The following TMEM87B variants were observed in gnomAD, a reference collection of about 807,000 sequenced individuals.
TMEM87B encodes transmembrane protein 87B.
A neutral mutation model predicts 80.3 loss-of-function variants in TMEM87B; 83 were observed. The observed-to-expected ratio is 1.03, with a 90% confidence interval of 0.87 to 1.24. TMEM87B has a LOEUF of 1.24. Among genes scored for constraint, TMEM87B ranks in the 50% most tolerant of loss-of-function variants. The pLI, the probability that TMEM87B is intolerant of heterozygous loss-of-function variation, is 0.00. For synonymous variants in TMEM87B, 219 were observed against 230.5 expected (o/e 0.95, Z 0.45); for missense variants, 625 against 674.4 (o/e 0.93, Z 0.81).
chr2:112,111,643 A>C (rs1679920104), intron 17 of TMEM87B, among the ~76,000 whole-genome samples: 1 of 152,216 alleles, frequency 6.6e-6, no homozygotes, highest in South Asian at 2.1e-4. Flanking sequence ...TTACATAGCA[A>C]GTTTAGTATT....
At chr2:112,099,345 A>G (rs924714860) in intron 14 of TMEM87B, among the ~76,000 whole-genome samples, 1 of 152,050 alleles carries the variant, frequency 6.6e-6, no homozygotes, top group Non-Finnish European at 1.5e-5. Flanking sequence ...TGCTCATTGG[A>G]ACATTTTGAA....
Position 112,109,333 on chromosome 2 carries a change from C to T in TMEM87B, c.1577+1493C>T, listed in dbSNP as rs762312061. On this transcript the variant is annotated intron_variant, in intron 17 of 18. Transcript: ENST00000283206. ...CTTTCCTCTATATATGAGCTAAGACCTTCCTCCTATAGGTCTTTCTTTAAT... is the reference window on the plus strand; with the variant it reads ...CTTTCCTCTATATATGAGCTAAGACTTTCCTCCTATAGGTCTTTCTTTAAT... 9.9e-5 allele frequency among the ~76,000 whole-genome samples: 15 copies of T among 152,076 alleles called. 1 individual carries two copies. The highest frequency in any genetic ancestry group is 4.1e-4 in the South Asian group (2 of 4,824).
chr2:112,095,136 C>A, intron 11 of TMEM87B: 1 of 874,148 alleles, frequency 1.1e-6, no homozygotes, highest in East Asian at 1.3e-4. Context: ...TCTTGTTTCT[C>A]TTTCGTTTCT....
At chr2:112,105,268 CTTATG>C (rs1463961360) in intron 15 of TMEM87B, among the ~76,000 whole-genome samples, 1 of 152,096 alleles carries the variant, frequency 6.6e-6, no homozygotes, top group African/African-American at 2.4e-5. Flanking sequence ...ATTACATCAG[CTTATG>C]TTATAATTGT....
At chr2:112,066,806 A>T in intron 3 of TMEM87B, 130 bp from the exon 4 acceptor site, 1 of 803,450 alleles carries the variant, frequency 1.2e-6, no homozygotes, top group Non-Finnish European at 1.9e-6. Context: ...TTGGTATTTT[A>T]TTCTATTGCG....
chr2:112,082,699 T>C (rs1357379141), intron 8 of TMEM87B, among the ~76,000 whole-genome samples: 1 of 152,164 alleles, frequency 6.6e-6, no homozygotes, highest in Non-Finnish European at 1.5e-5. Flanking sequence ...CGTGCATGTG[T>C]GCTCTAAACC....
At chr2:112,068,215 AAAAAAC>A (rs910565364) in intron 4 of TMEM87B, among the ~76,000 whole-genome samples, 10 of 152,226 alleles carry the variant, frequency 6.6e-5, no homozygotes, top group South Asian at 2.1e-4. Flanking sequence ...ACTCCGTCTC[AAAAAAC>A]AAAAACAAAA....
chr2:112,084,883 C>T (rs908692391), intron 8 of TMEM87B, among the ~76,000 whole-genome samples: 1 of 152,154 alleles, frequency 6.6e-6, no homozygotes, highest in Non-Finnish European at 1.5e-5. Context: ...CATTTTATTC[C>T]AGCAGTCAGC....
chr2:112,073,520 A>G (rs1156578147), intron 4 of TMEM87B, among the ~76,000 whole-genome samples: 1 of 152,088 alleles, frequency 6.6e-6, no homozygotes, highest in African/African-American at 2.4e-5. Flanking sequence ...TTTATTTCTC[A>G]TTGGCTGATT....
intron 2 of TMEM87B, among the ~76,000 whole-genome samples, chr2:112,060,681 C>T (rs985781977): frequency 1.3e-5 from 2 of 151,774 alleles, no homozygotes; most frequent in Non-Finnish European, 2.9e-5. Context: ...AGATTACAGG[C>T]GAACGCCACC....
chr2:112,071,284 G>C (rs1317007250), intron 4 of TMEM87B, among the ~76,000 whole-genome samples: 1 of 151,124 alleles, frequency 6.6e-6, no homozygotes, highest in Non-Finnish European at 1.5e-5. Context: ...TGGTGTACAG[G>C]TATGCTAGTG....
At chr2:112,075,073 A>T in intron 5 of TMEM87B, 111 bp downstream of exon 5, 1 of 1,414,902 alleles carries the variant, frequency 7.1e-7, no homozygotes, top group South Asian at 1.4e-5. Flanking sequence ...GGTTATTAGA[A>T]CTGTGGAAGG....
intron 11 of TMEM87B, among the ~76,000 whole-genome samples, chr2:112,092,300 G>A (rs1679327159): frequency 6.6e-6 from 1 of 152,186 alleles, no homozygotes; most frequent in Admixed American, 6.5e-5. Context: ...AATGGTTGAA[G>A]CAGGAAAACA....
At chr2:112,073,896 C>T (rs1309876366) in intron 4 of TMEM87B, among the ~76,000 whole-genome samples, 1 of 152,108 alleles carries the variant, frequency 6.6e-6, no homozygotes, top group East Asian at 1.9e-4. Context: ...TCAGTTTTGT[C>T]TGAAATTAGG....
chr2:112,108,252 C>T (rs1483468161), intron 17 of TMEM87B, among the ~76,000 whole-genome samples: 3 of 152,110 alleles, frequency 2.0e-5, no homozygotes, highest in Admixed American at 6.6e-5. Context: ...ATTCAGGATC[C>T]TCTTTATCTA....
intron 4 of TMEM87B, among the ~76,000 whole-genome samples, chr2:112,072,895 CTTTTT>C (rs71226782): frequency 1.7e-4 from 14 of 83,012 alleles, no homozygotes; most frequent in African/African-American, 7.1e-4. Flanking sequence ...AACTCTTCTT[CTTTTT>C]TTTTTTTTTT....
Position 112,117,792 on chromosome 2 carries a change from A to G in TMEM87B, c.*1649A>G, listed in dbSNP as rs1680064649. On this transcript the variant is annotated 3_prime_UTR_variant, in exon 19 of 19. Transcript: ENST00000283206. ...TGTATTCTCCCCTTAGCCCAGTAAC[A>G]TTTTTATCTAATACCCCATTCCCCA... is the stretch of plus-strand genomic sequence containing the variant. The G allele has an allele frequency of 6.6e-6, 1 of 152,122 alleles. No homozygotes were observed. The highest frequency in any genetic ancestry group is 2.4e-5 in the African/African-American group (1 of 41,410). The allele number at this position is 152,122 out of a possible 1,614,324, so 9.4% of individuals were successfully genotyped here. A position where few individuals can be genotyped will look rare whatever the true frequency, so the allele number is the denominator to read the frequency against.
At chr2:112,085,950 T>TTGGCAGGC in intron 8 of TMEM87B, 55 bp from the exon 9 acceptor site, 2 of 1,453,020 alleles carry the variant, frequency 1.4e-6, no homozygotes, top group East Asian at 2.3e-5. Flanking sequence ...AGAATCTTGG[T>TTGGCAGGC]TGGCAGGCTT....
intron 1 of TMEM87B, among the ~76,000 whole-genome samples, chr2:112,058,070 TCC>T (rs1186788636): frequency 6.6e-6 from 1 of 152,116 alleles, no homozygotes; most frequent in Non-Finnish European, 1.5e-5. Flanking sequence ...CAGGTGATCC[TCC>T]CGCCTCAGCC....
Sources: gnomAD v4.1 joint callset for allele counts (sites outside exome capture counted in the v4.1 genomes callset) on GRCh38, gnomAD v4.1.1 for gene constraint, MANE v1.5 for transcripts, NCBI Gene and HGNC (gene_info 2026-07-23, HGNC 2026-07-21) for gene names.